OPRM1: variants seen among roughly 807,000 people sequenced by gnomAD.
OPRM1 encodes the protein opioid receptor mu 1.
In OPRM1, 27 loss-of-function variants were observed where a neutral mutation model predicts 31.8. The ratio of observed to expected loss-of-function variants is 0.85; its 90% CI spans 0.63 to 1.17. The LOEUF (loss-of-function observed/expected upper bound fraction) is 1.17. Among genes scored for constraint, OPRM1 ranks in the 50% most tolerant of loss-of-function variants. The pLI is 0.00. For synonymous variants in OPRM1, 196 were observed against 189.9 expected (o/e 1.03, Z -0.26); for missense variants, 536 against 511.1 (o/e 1.05, Z -0.47).
intron 3 of OPRM1, among the ~76,000 whole-genome samples, chr6:154,170,215 A>G (rs539737745): frequency 6.6e-6 from 1 of 152,324 alleles, no homozygotes. Context: ...AAAGAAATAC[A>G]ATGAGATTTC....
chr6:154,228,109 T>C (rs565036633), intron 3 of OPRM1, among the ~76,000 whole-genome samples: 5 of 152,142 alleles, frequency 3.3e-5, no homozygotes, highest in Non-Finnish European at 7.3e-5. Flanking sequence ...TTGCCTATTA[T>C]ATTAACTAAA....
In OPRM1 at chr6:154,228,421, C is replaced by A. The variant is rs146794482; in HGVS notation, c.1165-18272C>A. Among the ~76,000 whole-genome samples the A allele has an allele frequency of 4.5e-4, 69 of 152,296 alleles. No homozygotes were observed. In the East Asian group the frequency reaches 0.013, roughly 29 times the overall value. On this transcript the variant is annotated intron_variant, in intron 3 of 3. Transcript: ENST00000337049. ...CAGAGGTATCAAACCCATCGTTTGG[C>A]CATTGTACAAACTTCTCTTTCCAAA...
chr6:154,115,416 T>C (rs1796759629), intron 3 of OPRM1, among the ~76,000 whole-genome samples: 1 of 152,144 alleles, frequency 6.6e-6, no homozygotes, highest in Non-Finnish European at 1.5e-5. Context: ...GGTGCATGTC[T>C]GTGGTCCCAG....
intron 3 of OPRM1, among the ~76,000 whole-genome samples, chr6:154,225,115 G>A (rs1157624622): frequency 6.6e-6 from 1 of 152,126 alleles, no homozygotes; most frequent in Non-Finnish European, 1.5e-5. Flanking sequence ...CTGATTTGGG[G>A]ATATTTGCAT....
intron 3 of OPRM1, among the ~76,000 whole-genome samples, chr6:154,144,490 T>G (rs567211622): frequency 6.6e-6 from 1 of 152,176 alleles, no homozygotes; most frequent in Non-Finnish European, 1.5e-5. Context: ...CTCAAGCCTG[T>G]AATCCCAGCA....
chr6:154,214,183 T>C, intron 3 of OPRM1: 1 of 1,357,284 alleles, frequency 7.4e-7, no homozygotes. Context: ...TCTAATATTC[T>C]TGCTAAATTT....
intron 1 of OPRM1, among the ~76,000 whole-genome samples, chr6:154,014,527 A>G (rs1267461407): frequency 6.6e-6 from 1 of 152,106 alleles, no homozygotes; most frequent in Non-Finnish European, 1.5e-5. Flanking sequence ...CTTAAAGGAA[A>G]TTTAATGACT....
At chr6:154,080,978 ATC>A (rs1180598655) in intron 1 of OPRM1, among the ~76,000 whole-genome samples, 3 of 152,144 alleles carry the variant, frequency 2.0e-5, no homozygotes, top group African/African-American at 7.2e-5. Context: ...CATTTGTTGT[ATC>A]TTTGTAAGTG....
At chr6:154,240,305 C>T (rs111353174) in intron 3 of OPRM1, among the ~76,000 whole-genome samples, 13 of 152,246 alleles carry the variant, frequency 8.5e-5, no homozygotes, top group African/African-American at 1.9e-4. Context: ...GTAAAGAATA[C>T]GTCCTCTGCT....
intron 3 of OPRM1, among the ~76,000 whole-genome samples, chr6:154,229,842 T>C (rs938874587): frequency 2.0e-5 from 3 of 152,306 alleles, no homozygotes; most frequent in African/African-American, 7.2e-5. Context: ...AGCTACTAAA[T>C]AGAATATGAC....
intron 3 of OPRM1, among the ~76,000 whole-genome samples, chr6:154,109,900 A>G (rs1040448190): frequency 4.6e-5 from 7 of 151,496 alleles, no homozygotes; most frequent in Admixed American, 1.3e-4. Flanking sequence ...GCTCAGGCCC[A>G]GTTTTTCAAG....
At chr6:154,191,251 G>GAT (rs1801853958) in intron 3 of OPRM1, among the ~76,000 whole-genome samples, 2 of 152,146 alleles carry the variant, frequency 1.3e-5, no homozygotes, top group Admixed American at 6.5e-5. Context: ...AGGGTAGAAG[G>GAT]ATGAATAGAT....
chr6:154,024,994 G>A (rs1441774578), intron 1 of OPRM1, among the ~76,000 whole-genome samples: 2 of 152,002 alleles, frequency 1.3e-5, no homozygotes, highest in Non-Finnish European at 2.9e-5. Context: ...AGAAGAATGT[G>A]TATTCTGTAG....
rs1483811992 is a variant in OPRM1, at chr6:154,119,356, G to T, written c.*635G>T. 3.9e-5 allele frequency: 38 copies of T among 984,104 alleles called. No individual in the cohort carries two copies. The highest frequency in any genetic ancestry group is 4.6e-5 in the Non-Finnish European group (38 of 828,866). 61.0% of individuals were successfully genotyped at this position (984,104 alleles called of 1,614,324 possible). On this transcript the variant is annotated 3_prime_UTR_variant, in exon 4 of 4. Transcript: ENST00000330432. ...AGCATGAAAGGTAATCTGAAACACA[G>T]TCATGTGTCAGCTGTAGAAAGGTTG... is the stretch of plus-strand genomic sequence containing the variant.
At chr6:154,041,609 C>G (rs1353310607) in intron 1 of OPRM1, among the ~76,000 whole-genome samples, 2 of 151,510 alleles carry the variant, frequency 1.3e-5, no homozygotes, top group Admixed American at 6.6e-5. Context: ...TTCAGTGCCA[C>G]TAAATCTCTC....
intron 3 of OPRM1, among the ~76,000 whole-genome samples, chr6:154,113,307 G>T (rs1042943634): frequency 6.6e-6 from 1 of 152,150 alleles, no homozygotes; most frequent in Non-Finnish European, 1.5e-5. Flanking sequence ...TATCCCTCAG[G>T]CAGGACAGCC....
chr6:154,241,253 AAG>A (rs931432115), intron 3 of OPRM1, among the ~76,000 whole-genome samples: 1 of 150,662 alleles, frequency 6.6e-6, no homozygotes, highest in African/African-American at 2.4e-5. Flanking sequence ...AAAAAAAAAA[AAG>A]AGAGAGAGAG....
intron 3 of OPRM1, among the ~76,000 whole-genome samples, chr6:154,171,046 C>A (rs2128556731): frequency 6.6e-6 from 1 of 152,154 alleles, no homozygotes; most frequent in East Asian, 1.9e-4. Context: ...AATTGAGTTG[C>A]CACTTTAGAA....
intron 1 of OPRM1, among the ~76,000 whole-genome samples, chr6:154,088,747 T>C (rs1402567553): frequency 6.6e-6 from 1 of 152,192 alleles, no homozygotes; most frequent in East Asian, 1.9e-4. Context: ...CAAACACACT[T>C]GGGTTCCTCA....
Sources: gnomAD v4.1 joint callset for allele counts (sites outside exome capture counted in the v4.1 genomes callset) on GRCh38, gnomAD v4.1.1 for gene constraint, MANE v1.5 for transcripts, NCBI Gene and HGNC (gene_info 2026-07-23, HGNC 2026-07-21) for gene names.